ZSCAN16: variants seen among roughly 807,000 people sequenced by gnomAD.
ZSCAN16 encodes zinc finger and SCAN domain containing 16.
ZSCAN16 carries 15 observed loss-of-function variants against 19.4 expected under a neutral mutation model. That is an observed-to-expected ratio of 0.77 (90% CI 0.52 to 1.19). The LOEUF (loss-of-function observed/expected upper bound fraction) is 1.19, where lower values mean the gene tolerates loss of function less well. ZSCAN16 is among the 50% of genes most tolerant of loss of function. The probability of loss-of-function intolerance (pLI) is 0.00; values close to 1 mark genes in which losing one functional copy is unlikely to be tolerated. For synonymous variants in ZSCAN16, 138 were observed against 146.5 expected, an observed-to-expected ratio of 0.94 and a Z score of 0.42; for missense variants, 327 against 415.7, an observed-to-expected ratio of 0.79 and a Z score of 1.86.
rs190533933 is a variant in ZSCAN16, at chr6:28,125,272, T to C, written c.-31-141T>C. On this transcript the variant is annotated intron_variant, in intron 1 of 3. Transcript: ENST00000340487. This position sits in a 1 kb window ranked among gnomAD's most constrained non-coding sequence, Gnocchi z 6.2. Reference sequence around the variant, plus strand: ...CTTCCTATAAGACTGTTTTCTCTGATTGACTTCTGGTGGCTTGGCTTCATT... The same window carrying C: ...CTTCCTATAAGACTGTTTTCTCTGACTGACTTCTGGTGGCTTGGCTTCATT... 5 of 932,886 alleles carry C rather than the reference T, an allele frequency of 5.4e-6. No homozygotes were observed. Among genetic ancestry groups the C allele is most frequent in the African/African-American group, 3.3e-5 (2 of 60,072 alleles). 57.8% of individuals were successfully genotyped at this position (932,886 alleles called of 1,614,324 possible).
chr6:28,126,336 T>G (rs1238116795), intron 2 of ZSCAN16, among the ~76,000 whole-genome samples: 2 of 152,226 alleles, frequency 1.3e-5, no homozygotes, highest in Non-Finnish European at 2.9e-5. Flanking sequence ...ATATTTTTAA[T>G]GAGGTATTTT....
intron 3 of ZSCAN16, 39 bp downstream of exon 3, chr6:28,126,960 A>C (rs1323881860): frequency 7.1e-7 from 1 of 1,411,560 alleles, no homozygotes; most frequent in African/African-American, 1.5e-5. Flanking sequence ...GGGTAGAGGT[A>C]CTTCCTTAGG....
chr6:28,125,532 A>T lies in ZSCAN16; in HGVS notation c.89A>T (p.Gln30Leu). 6.2e-7 allele frequency: 1 copy of T among 1,614,208 alleles called. No homozygotes were observed. The highest frequency in any genetic ancestry group is 1.6e-4 in the Middle Eastern group (1 of 6,062). Residue 30 changes from glutamine to leucine, a missense_variant, in exon 2 of 4, where the codon CAA (glutamine) becomes CTA (leucine). Gln to Leu is a moderately radical substitution (Grantham distance 113). Transcript: ENST00000340487. The surrounding 1 kb of genome is among the most constrained non-coding windows in gnomAD (Gnocchi z 6.2). Reference protein sequence around the residue: ...DHYWGQDSSSQKCSPHRRELY... With the variant: ...DHYWGQDSSSLKCSPHRRELY... Reference sequence around the variant, plus strand: ...TACTGGGGACAGGATTCCAGCTCACAAAAGTGCAGTCCTCACAGGAGGGAA... The same window carrying T: ...TACTGGGGACAGGATTCCAGCTCACTAAAGTGCAGTCCTCACAGGAGGGAA...
chr6:28,125,276 CT>C lies in ZSCAN16; in HGVS notation c.-31-135del. Reference sequence around the variant, plus strand: ...CTATAAGACTGTTTTCTCTGATTGACTTCTGGTGGCTTGGCTTCATTATGAT... The same window carrying C: ...CTATAAGACTGTTTTCTCTGATTGACTCTGGTGGCTTGGCTTCATTATGAT... On this transcript the variant is annotated intron_variant, in intron 1 of 3. Coordinates refer to ENST00000340487, the MANE Select transcript of ZSCAN16 (RefSeq NM_025231.3). This position sits in a 1 kb window ranked among gnomAD's most constrained non-coding sequence, Gnocchi z 6.2. 1 of 959,694 alleles carries C rather than the reference CT, an allele frequency of 1.0e-6. No individual in the cohort carries two copies. Among genetic ancestry groups the C allele is most frequent in the Non-Finnish European group, 1.5e-6 (1 of 676,320 alleles). The allele number at this position is 959,694 out of a possible 1,614,324, so 59.4% of individuals were successfully genotyped here. A position where few individuals can be genotyped will look rare whatever the true frequency, so the allele number is the denominator to read the frequency against.
rs1003271212 is a variant in ZSCAN16 at position 28,125,667 on chromosome 6, A to G, written c.224A>G (p.His75Arg). The change falls in exon 2 of 4, where the codon CAC becomes CGC. Residue 75 changes from histidine to arginine, a missense_variant. Physicochemically the swap from His to Arg is conservative, Grantham distance 29. Transcript: ENST00000340487. The surrounding 1 kb of genome is among the most constrained non-coding windows in gnomAD (Gnocchi z 6.2). ...LCRQWLRPEC[H>R]TKEQILDLLV... Reference sequence around the variant, plus strand: ...CGTCAGTGGCTGAGGCCAGAATGCCACACCAAGGAGCAGATTTTAGACCTG... The same window carrying G: ...CGTCAGTGGCTGAGGCCAGAATGCCGCACCAAGGAGCAGATTTTAGACCTG... The G allele has an allele frequency of 6.2e-7, 1 of 1,614,128 alleles. No homozygotes were observed. The highest frequency in any genetic ancestry group is 1.3e-5 in the African/African-American group (1 of 74,950).
Position 28,125,296 on chromosome 6 carries a change from T to G in ZSCAN16, c.-31-117T>G. ...ATTGACTTCTGGTGGCTTGGCTTCA[T>G]TATGATGTGTTTATGTTCACAGAAA... is the stretch of plus-strand genomic sequence containing the variant. On this transcript the variant is annotated intron_variant, in intron 1 of 3. Coordinates refer to ENST00000340487, the MANE Select transcript of ZSCAN16 (RefSeq NM_025231.3). The surrounding 1 kb of genome is among the most constrained non-coding windows in gnomAD (Gnocchi z 6.2). The G allele has an allele frequency of 8.1e-7, 1 of 1,232,890 alleles. No homozygotes were observed. Among genetic ancestry groups the G allele is most frequent in the Non-Finnish European group, 1.1e-6 (1 of 915,444 alleles). 76.4% of individuals were successfully genotyped at this position (1,232,890 alleles called of 1,614,324 possible).
In ZSCAN16 at chr6:28,129,558, AT is replaced by A; in HGVS notation, c.657del (p.Ile220LeufsTer70). ...DTPQHPKSKD[I>X]IENEGRSEWQ... ...TCCTCAGCATCCTAAGTCCAAAGATATTATTGAAAATGAGGGCAGATCAGAA... is the reference window on the plus strand; with the variant it reads ...TCCTCAGCATCCTAAGTCCAAAGATATATTGAAAATGAGGGCAGATCAGAA... On this transcript the variant is annotated frameshift_variant, in exon 4 of 4. Coordinates refer to ENST00000340487, the MANE Select transcript of ZSCAN16 (RefSeq NM_025231.3). LOFTEE classifies it low-confidence loss of function (END_TRUNC). The A allele has an allele frequency of 6.2e-7, 1 of 1,614,214 alleles. No individual in the cohort carries two copies. Among genetic ancestry groups the A allele is most frequent in the Non-Finnish European group, 8.5e-7 (1 of 1,180,034 alleles).
In ZSCAN16 at chr6:28,125,706, A is replaced by T. The variant is rs746708941; in HGVS notation, c.263A>T (p.Gln88Leu). 2.4e-5 allele frequency: 39 copies of T among 1,614,138 alleles called. No individual in the cohort carries two copies. In the East Asian group the frequency reaches 8.7e-4, roughly 36 times the overall value. The change falls in exon 2 of 4, where the codon CAG (glutamine) becomes CTG (leucine). Residue 88 changes from glutamine (Q) to leucine (L), a missense_variant. Coordinates refer to ENST00000340487, the MANE Select transcript of ZSCAN16 (RefSeq NM_025231.3). The surrounding 1 kb of genome is among the most constrained non-coding windows in gnomAD (Gnocchi z 6.2). ...ATTTTAGACCTGCTGGTGCTAGAAC[A>T]GTTCCTGAGCATTCTTCCTAAAGAC... is the stretch of plus-strand genomic sequence containing the variant. ...EQILDLLVLEQFLSILPKDLQ... is the reference protein window; with the variant it reads ...EQILDLLVLELFLSILPKDLQ...
chr6:28,129,373 CTGTT>C, intron 3 of ZSCAN16, 53 bp from the exon 4 acceptor site: 2 of 1,524,922 alleles, frequency 1.3e-6, no homozygotes. Flanking sequence ...CTTCCATAGG[CTGTT>C]TGCTTCTCAA....
At position 28,125,990 on chromosome 6, in the gene ZSCAN16, TAA is replaced by T. The variant is rs1404561958; in HGVS notation, c.387+162_387+163del. Among the ~76,000 whole-genome samples the T allele has an allele frequency of 6.6e-6, 1 of 152,072 alleles. No individual in the cohort carries two copies. Among genetic ancestry groups the T allele is most frequent in the Admixed American group, 6.5e-5 (1 of 15,278 alleles). ...GTCAAATAATTAAAGTGTGGCTGGG[TAA>T]AGAGAGGAGAGTCACTAGACTGATT... On this transcript the variant is annotated intron_variant, in intron 2 of 3. Transcript: ENST00000340487. The surrounding 1 kb of genome is among the most constrained non-coding windows in gnomAD (Gnocchi z 6.2).
rs868421776 is a variant in ZSCAN16 at position 28,129,885 on chromosome 6, C to T, written c.982C>T (p.Pro328Ser). The change falls in exon 4 of 4, where the codon CCT becomes TCT. Residue 328 changes from proline to serine, a missense_variant. Coordinates refer to ENST00000340487, the MANE Select transcript of ZSCAN16 (RefSeq NM_025231.3). ...CTATGAATGTGATGAGTGTGGAAGG[C>T]CTTTCCGAGTAAGTTCAGCTCTTAT... ...KPYECDECGR[P>S]FRVSSALIRH... 1 of 1,612,742 alleles carries T rather than the reference C, an allele frequency of 6.2e-7. No individual in the cohort carries two copies.
At position 28,126,917 on chromosome 6, in the gene ZSCAN16, G is replaced by A; in HGVS notation, c.522G>A (p.Arg174=). The A allele has an allele frequency of 6.4e-7, 1 of 1,574,546 alleles. No individual in the cohort carries two copies. The highest frequency in any genetic ancestry group is 1.2e-5 in the South Asian group (1 of 86,124). The change falls in exon 3 of 4, where the codon AGG becomes AGA. Residue 174 remains arginine (R), a synonymous_variant. Coordinates refer to ENST00000340487, the MANE Select transcript of ZSCAN16 (RefSeq NM_025231.3). ...QLEQEAGKPQ[R]NGDKTRTKNE... is the part of the protein sequence containing the mutation. ...AGCAGGAAGCTGGGAAACCACAAAG[G>A]AATGGTAAGCAGGAACAGTTCTGAG...
chr6:28,128,008 A>C (rs937216759), intron 3 of ZSCAN16, among the ~76,000 whole-genome samples: 1 of 152,228 alleles, frequency 6.6e-6, no homozygotes, highest in African/African-American at 2.4e-5. Context: ...CCTAGCTGCT[A>C]TCTGGAAAGG....
chr6:28,129,312 A>T, intron 3 of ZSCAN16, 118 bp from the exon 4 acceptor site: 1 of 1,274,504 alleles, frequency 7.8e-7, no homozygotes, highest in East Asian at 2.5e-5. Context: ...TGTGTGTTGT[A>T]TGTGACTTCT....
rs536010084 is a variant in ZSCAN16 at position 28,125,348 on chromosome 6, C to T, written c.-31-65C>T. 177 of 1,503,822 alleles carry T rather than the reference C, an allele frequency of 1.2e-4. No homozygotes were observed. The African/African-American group carries it at 2.3e-3, about 20-fold the overall frequency. The allele number at this position is 1,503,822 out of a possible 1,614,324, so 93.2% of individuals were successfully genotyped here. On this transcript the variant is annotated intron_variant, in intron 1 of 3. Transcript: ENST00000340487. The surrounding 1 kb of genome is among the most constrained non-coding windows in gnomAD (Gnocchi z 6.2). ...TTTTGTAATTTCTCTATGGTAACAA[C>T]TTTTTATGCCTTAGGAGTGTCTCTG... is the stretch of plus-strand genomic sequence containing the variant.
rs745377575 is a variant in ZSCAN16, at chr6:28,125,722, T to G, written c.279T>G (p.Leu93=). Residue 93 remains leucine, a synonymous_variant, in exon 2 of 4, where the codon CTT becomes CTG. Transcript: ENST00000340487. The surrounding 1 kb of genome is among the most constrained non-coding windows in gnomAD (Gnocchi z 6.2). ...LLVLEQFLSI[L]PKDLQAWVRA... ...TGCTAGAACAGTTCCTGAGCATTCT[T>G]CCTAAAGACCTGCAAGCATGGGTGC... The G allele has an allele frequency of 9.3e-6, 15 of 1,614,050 alleles. No homozygotes were observed. The highest frequency in any genetic ancestry group is 1.6e-4 in the Middle Eastern group (1 of 6,084).
rs1187683952 is a variant in ZSCAN16 at position 28,129,668 on chromosome 6, G to A, written c.765G>A (p.Arg255=). The change falls in exon 4 of 4, where the codon AGG becomes AGA. Residue 255 remains arginine (R), a synonymous_variant. Coordinates refer to ENST00000340487, the MANE Select transcript of ZSCAN16 (RefSeq NM_025231.3). ...ATAGCTCAGACCTTAGTAAACACAG[G>A]AGAACTCACACGGGAGAGAAGCCCT... ...FSHSSDLSKH[R]RTHTGEKPYK... 25 of 1,614,188 alleles carry A rather than the reference G, an allele frequency of 1.5e-5. No individual in the cohort carries two copies. The highest frequency in any genetic ancestry group is 2.0e-5 in the Non-Finnish European group (24 of 1,180,032).
chr6:28,126,996 T>G (rs1764926258), intron 3 of ZSCAN16, 75 bp downstream of exon 3: 1 of 1,279,248 alleles, frequency 7.8e-7, no homozygotes, highest in Admixed American at 3.0e-5. Context: ...CTCACTTTCA[T>G]CTTCTCCTTT....
At chr6:28,126,951 G>A (rs777490992) in intron 3 of ZSCAN16, 30 bp downstream of exon 3, 18 of 1,458,326 alleles carry the variant, frequency 1.2e-5, no homozygotes, top group Admixed American at 2.2e-5. Context: ...AGTGTATGAG[G>A]GTAGAGGTAC....
Sources: allele counts gnomAD v4.1 joint callset (sites outside exome capture counted in the v4.1 genomes callset), GRCh38; gene constraint gnomAD v4.1.1; non-coding constraint Gnocchi (gnomAD v3.1); transcripts MANE v1.5; gene names NCBI Gene and HGNC (gene_info 2026-07-23, HGNC 2026-07-21).